The following IFNA6 variants were observed in gnomAD, a reference collection of about 807,000 sequenced individuals.
IFNA6 encodes the protein interferon alpha-6.
For missense variants in IFNA6, 235 were observed against 212.4 expected (o/e 1.11, Z -0.66); for synonymous variants, 96 against 79.2 (o/e 1.21, Z -1.13).
chr9:21,350,402 A>G, exon 1 of IFNA6: 3 of 1,613,302 alleles, frequency 1.9e-6, no homozygotes, highest in Non-Finnish European at 1.7e-6. Flanking sequence ...CCTCCCAGGC[A>G]CAAGGGCTGT....
At chr9:21,350,665 C>T (rs762204032) in exon 1 of IFNA6, 1 of 1,614,038 alleles carries the variant, frequency 6.2e-7, no homozygotes. Context: ...GAGATGGCTT[C>T]AGCCTTCTGG....
chr9:21,350,882 AG>A, the IFNA6 span: 1 of 1,613,380 alleles, frequency 6.2e-7, no homozygotes, highest in Non-Finnish European at 8.5e-7. Context: ...CAAAAGGCAA[AG>A]CCATTGTAGA....
At chr9:21,350,336 C>G (rs577977593) in exon 1 of IFNA6, 2 of 1,471,306 alleles carry the variant, frequency 1.4e-6, no homozygotes, top group Non-Finnish European at 9.2e-7. Flanking sequence ...TCCTCCTTAA[C>G]CTTTCTTGCA....
At chr9:21,350,564 G>A (rs1266375002) in exon 1 of IFNA6, 11 of 1,613,836 alleles carry the variant, frequency 6.8e-6, no homozygotes, top group Middle Eastern at 1.6e-4. Context: ...GTTCAGTATA[G>A]AGTTTGTCTA....
rs1820442943 is a variant in IFNA6 at position 21,350,753 on chromosome 9, C to G, written c.135G>C (p.Arg45Ser). The G allele has an allele frequency of 3.7e-6, 6 of 1,614,012 alleles. No homozygotes were observed. The South Asian group carries it at 4.4e-5, about 12-fold the overall frequency. Reference sequence around the variant, plus strand: ...TCAGACAGGAGAAAAGAGAGATTCTCCTCATTTGTGCCAGGAGCATCATGG... The same window carrying G: ...TCAGACAGGAGAAAAGAGAGATTCTGCTCATTTGTGCCAGGAGCATCATGG... Residue 45 changes from arginine to serine, a missense_variant, in exon 1 of 1, where the codon AGG becomes AGC. By Grantham distance (110) the Arg-to-Ser change is moderately radical. Transcript: ENST00000380210.
exon 1 of IFNA6, chr9:21,350,778 G>A: frequency 1.9e-6 from 3 of 1,613,914 alleles, no homozygotes; most frequent in Non-Finnish European, 2.5e-6. Context: ...GAGCATCATG[G>A]TCCTCCTGTG....
At chr9:21,350,557 C>A in the IFNA6 span, 1 of 1,613,972 alleles carries the variant, frequency 6.2e-7, no homozygotes. Flanking sequence ...TGGTAAAGTT[C>A]AGTATAGAGT....
the IFNA6 span, chr9:21,350,446 G>A: frequency 6.2e-7 from 1 of 1,614,008 alleles, no homozygotes. Flanking sequence ...GTGATTCTTT[G>A]GAAGTATTTT....
At chr9:21,350,611 T>G (rs1245402821) in exon 1 of IFNA6, 1 of 1,614,020 alleles carries the variant, frequency 6.2e-7, no homozygotes. Context: ...GAGTCCTTTG[T>G]GCTGAAGAGG....
chr9:21,350,753 C>T, exon 1 of IFNA6: 1 of 1,614,012 alleles, frequency 6.2e-7, no homozygotes, highest in Non-Finnish European at 8.5e-7. Context: ...GAGAGATTCT[C>T]CTCATTTGTG....
chr9:21,350,557 CAGTATAGAGTT>C, the IFNA6 span: 2 of 1,613,854 alleles, frequency 1.2e-6, no homozygotes, highest in Non-Finnish European at 1.7e-6. Context: ...TGGTAAAGTT[CAGTATAGAGTT>C]TGTCTAGAAG....
At chr9:21,350,650 G>A (rs1423309140) in exon 1 of IFNA6, 3 of 1,614,022 alleles carry the variant, frequency 1.9e-6, no homozygotes, top group East Asian at 2.2e-5. Context: ...ACCTCATGGA[G>A]GACAGAGATG....
At chr9:21,350,822 C>T (rs761125708) in exon 1 of IFNA6, 4 of 1,613,804 alleles carry the variant, frequency 2.5e-6, no homozygotes, top group Non-Finnish European at 3.4e-6. Flanking sequence ...GATCACAGTC[C>T]AGAGAGCAGC....
chr9:21,350,431 A>G (rs751973648), exon 1 of IFNA6: 4 of 1,614,038 alleles, frequency 2.5e-6, no homozygotes, highest in Non-Finnish European at 3.4e-6. Flanking sequence ...TCTGTCAGGT[A>G]GAGAGTGATT....
exon 1 of IFNA6, chr9:21,350,857 G>A: frequency 6.2e-7 from 1 of 1,613,870 alleles, no homozygotes. Flanking sequence ...AGCACCACCA[G>A]GGCCATCAGT....
exon 1 of IFNA6, chr9:21,350,347 A>C: frequency 6.2e-7 from 1 of 1,612,996 alleles, no homozygotes; most frequent in Non-Finnish European, 8.5e-7. Flanking sequence ...CTTTCTTGCA[A>C]GTTTCTTGAT....
exon 1 of IFNA6, chr9:21,350,409 C>G: frequency 6.2e-7 from 1 of 1,613,938 alleles, no homozygotes. Context: ...GGCACAAGGG[C>G]TGTACTTTTT....
At chr9:21,350,470 T>C in exon 1 of IFNA6, 1 of 1,614,060 alleles carries the variant, frequency 6.2e-7, no homozygotes, top group Non-Finnish European at 8.5e-7. Flanking sequence ...ACAGCCAGGA[T>C]GGAGTCCTCA....
chr9:21,350,482 T>A, exon 1 of IFNA6: 1 of 1,614,050 alleles, frequency 6.2e-7, no homozygotes, highest in Non-Finnish European at 8.5e-7. Flanking sequence ...GAGTCCTCAT[T>A]CATCAGGGGA....
Sources: allele counts gnomAD v4.1 joint callset, GRCh38; gene constraint gnomAD v4.1.1; transcripts MANE v1.5; gene names NCBI Gene and HGNC (gene_info 2026-07-23, HGNC 2026-07-21).